The following RBFOX1 variants were observed in gnomAD, a reference collection of about 807,000 sequenced individuals.
RBFOX1 encodes RNA binding protein fox-1 homolog 1.
Under a neutral mutation model 57.7 loss-of-function variants are expected in RBFOX1, and 8 were observed. The ratio of observed to expected loss-of-function variants is 0.14; its 90% CI spans 0.08 to 0.25. The LOEUF is 0.25. RBFOX1 is among the 10% of genes least tolerant of loss of function. The pLI is 1.00. For missense variants in RBFOX1, 611 were observed against 548.5 expected (o/e 1.11, Z -1.14); for synonymous variants, 326 against 222.4 (o/e 1.47, Z -4.15).
intron 3 of RBFOX1, among the ~76,000 whole-genome samples, chr16:6,737,936 G>A (rs2070862270): frequency 6.6e-6 from 1 of 152,096 alleles, no homozygotes; most frequent in Admixed American, 6.6e-5. Flanking sequence ...ATAAGATAAT[G>A]AGTAAACATT....
chr16:6,284,356 T>C (rs2076685492), intron 1 of RBFOX1, among the ~76,000 whole-genome samples: 1 of 152,194 alleles, frequency 6.6e-6, no homozygotes, highest in African/African-American at 2.4e-5. Context: ...ATCCCAATGA[T>C]GCTTGCTGGT....
chr16:6,730,809 C>T (rs964262037), intron 3 of RBFOX1, among the ~76,000 whole-genome samples: 3 of 152,164 alleles, frequency 2.0e-5, no homozygotes, highest in Non-Finnish European at 4.4e-5. Context: ...CTAGGAGTTT[C>T]TCATATGTGG....
At chr16:7,385,110 G>C (rs1209296925) in intron 4 of RBFOX1, among the ~76,000 whole-genome samples, 1 of 152,238 alleles carries the variant, frequency 6.6e-6, no homozygotes, top group Non-Finnish European at 1.5e-5. Context: ...AGGGGCACCA[G>C]AGAGGTCTGA....
At chr16:7,696,796 C>T (rs2078941281) in intron 14 of RBFOX1, among the ~76,000 whole-genome samples, 1 of 152,052 alleles carries the variant, frequency 6.6e-6, no homozygotes, top group South Asian at 2.1e-4. Flanking sequence ...TAGACTCAGC[C>T]ATCAGAGAAG....
At chr16:6,078,216 T>A (rs1188869204) in intron 1 of RBFOX1, among the ~76,000 whole-genome samples, 2 of 152,176 alleles carry the variant, frequency 1.3e-5, no homozygotes, top group Non-Finnish European at 2.9e-5. Flanking sequence ...TAAAGGATTG[T>A]CGTCATTTTT....
chr16:7,132,695 T>G (rs1218847795), intron 4 of RBFOX1, among the ~76,000 whole-genome samples: 1 of 151,952 alleles, frequency 6.6e-6, no homozygotes, highest in East Asian at 1.9e-4. Context: ...TGGATATTCC[T>G]TGAGGAAATT....
At position 7,666,530 on chromosome 16, in the gene RBFOX1, T is replaced by C. The variant is rs60350829; in HGVS notation, c.930+1562T>C. On this transcript the variant is annotated intron_variant, in intron 13 of 15. Coordinates refer to ENST00000550418, the MANE Select transcript of RBFOX1 (RefSeq NM_018723.4). ...TAATGTGTGGTGTCTTATGCAGATA[T>C]CAAATTGGTGTCTTCTTGGCCTCAG... is the stretch of plus-strand genomic sequence containing the variant. Among the ~76,000 whole-genome samples the C allele has an allele frequency of 2.0e-3, 300 of 152,264 alleles. 3 individuals carry two copies. Among genetic ancestry groups the C allele is most frequent in the African/African-American group, 6.6e-3 (275 of 41,536 alleles).
At chr16:5,555,927 G>A (rs1415672230) in intron 2 of RBFOX1, among the ~76,000 whole-genome samples, 5 of 152,026 alleles carry the variant, frequency 3.3e-5, no homozygotes, top group African/African-American at 9.7e-5. Flanking sequence ...AGGCTGAGAC[G>A]GGAGAATCGC....
intron 4 of RBFOX1, among the ~76,000 whole-genome samples, chr16:7,494,527 A>G (rs2067959640): frequency 6.6e-6 from 1 of 151,698 alleles, no homozygotes; most frequent in African/African-American, 2.4e-5. Context: ...CTTAAATAAC[A>G]ATAACAGCAA....
chr16:5,932,765 A>G (rs1040871015), intron 4 of RBFOX1, among the ~76,000 whole-genome samples: 2 of 152,264 alleles, frequency 1.3e-5, no homozygotes, highest in East Asian at 1.9e-4. Flanking sequence ...TAAACGTGGG[A>G]TGCTGAAGAA....
At chr16:7,420,938 TACACAC>T (rs917264873) in intron 4 of RBFOX1, among the ~76,000 whole-genome samples, 9 of 140,126 alleles carry the variant, frequency 6.4e-5, no homozygotes, top group African/African-American at 2.1e-4. Flanking sequence ...CATATATATA[TACACAC>T]ACACACACAC....
At chr16:5,989,880 A>ACACACACACACCCC (rs33912010) in intron 4 of RBFOX1, among the ~76,000 whole-genome samples, 24 of 127,210 alleles carry the variant, frequency 1.9e-4, no homozygotes, top group South Asian at 2.8e-4. Context: ...ACACACACAC[A>ACACACACACACCCC]CCACCCCTGT....
chr16:6,728,592 C>T (rs2067793620), intron 3 of RBFOX1, among the ~76,000 whole-genome samples: 1 of 152,168 alleles, frequency 6.6e-6, no homozygotes, highest in South Asian at 2.1e-4. Flanking sequence ...TATAGGGAAG[C>T]AGTGCTTTCA....
chr16:6,313,384 C>T (rs1039244284), intron 1 of RBFOX1, among the ~76,000 whole-genome samples: 1 of 152,102 alleles, frequency 6.6e-6, no homozygotes, highest in Non-Finnish European at 1.5e-5. Context: ...GGGGTGCAAG[C>T]CTGGAGGCAG....
intron 3 of RBFOX1, among the ~76,000 whole-genome samples, chr16:6,858,571 TAGC>T (rs2058333716): frequency 2.6e-5 from 4 of 152,170 alleles, no homozygotes; most frequent in Admixed American, 1.3e-4. Flanking sequence ...TCAATTAAAA[TAGC>T]AGAGTTTTCT....
intron 3 of RBFOX1, among the ~76,000 whole-genome samples, chr16:6,757,131 C>G (rs774684710): frequency 2.0e-5 from 3 of 152,082 alleles, no homozygotes. Context: ...CGACTATTAT[C>G]AAAAAGATAA....
chr16:7,491,558 C>G (rs1446740104), intron 4 of RBFOX1, among the ~76,000 whole-genome samples: 1 of 151,566 alleles, frequency 6.6e-6, no homozygotes, highest in Admixed American at 6.6e-5. Context: ...TCAAGGCAAT[C>G]TTTTGAATTA....
intron 1 of RBFOX1, among the ~76,000 whole-genome samples, chr16:6,160,631 C>T (rs542273945): frequency 6.6e-6 from 1 of 152,194 alleles, no homozygotes. Flanking sequence ...TTCCCAGTGG[C>T]TTTATCACAC....
At chr16:6,536,549 C>G (rs529042675) in intron 2 of RBFOX1, among the ~76,000 whole-genome samples, 12 of 121,318 alleles carry the variant, frequency 9.9e-5, no homozygotes, top group Non-Finnish European at 1.9e-4. Flanking sequence ...CGATGGGGGG[C>G]CCAGGAGGTT....
Sources: allele counts gnomAD v4.1 joint callset (sites outside exome capture counted in the v4.1 genomes callset), GRCh38; gene constraint gnomAD v4.1.1; transcripts MANE v1.5; gene names NCBI Gene and HGNC (gene_info 2026-07-23, HGNC 2026-07-21).